Variants in PRKAG2 observed in about 807,000 individuals in gnomAD.
The protein encoded by PRKAG2 is protein kinase AMP-activated non-catalytic subunit gamma 2.
A neutral mutation model predicts 69.6 loss-of-function variants in PRKAG2; 26 were observed. The ratio of observed to expected loss-of-function variants is 0.37; its 90% CI spans 0.27 to 0.52. The LOEUF is 0.52. PRKAG2 is among the 20% of genes least tolerant of loss of function. PRKAG2 has a pLI of 0.90. For missense variants in PRKAG2, 557 were observed against 740.0 expected (o/e 0.75, Z 2.87); for synonymous variants, 293 against 285.0 (o/e 1.03, Z -0.28).
chr7:151,677,824 T>C (rs1833181439), intron 3 of PRKAG2, among the ~76,000 whole-genome samples: 1 of 152,222 alleles, frequency 6.6e-6, no homozygotes, highest in Admixed American at 6.5e-5. Context: ...CCTTTTTCTG[T>C]CCATCAATCT....
chr7:151,682,184 T>C (rs1833976790), intron 3 of PRKAG2, among the ~76,000 whole-genome samples: 2 of 152,228 alleles, frequency 1.3e-5, no homozygotes, highest in South Asian at 4.1e-4. Flanking sequence ...TTTTTTTCTT[T>C]TCAATGTTGG....
At chr7:151,613,756 C>A (rs1241305845) in intron 5 of PRKAG2, among the ~76,000 whole-genome samples, 1 of 149,512 alleles carries the variant, frequency 6.7e-6, no homozygotes, top group African/African-American at 2.5e-5. Flanking sequence ...GCTTGGCCTC[C>A]CAAAGTGCTT....
rs1039519730 is a variant in PRKAG2, at chr7:151,583,983, T to C, written c.865-7531A>G. ...CACTGCTTTCTACACAGCTTCACTCTGATTTTCAGTAATTAAGTTGACTGT... is the reference window on the plus strand; with the variant it reads ...CACTGCTTTCTACACAGCTTCACTCCGATTTTCAGTAATTAAGTTGACTGT... On this transcript the variant is annotated intron_variant, in intron 6 of 15. Transcript: ENST00000287878. This position sits in a 1 kb window ranked among gnomAD's most constrained non-coding sequence, Gnocchi z 4.1. Among the ~76,000 whole-genome samples, 13 of 152,222 alleles carry C rather than the reference T, an allele frequency of 8.5e-5. No homozygotes were observed. The highest frequency in any genetic ancestry group is 3.1e-4 in the African/African-American group (13 of 41,446).
intron 3 of PRKAG2, among the ~76,000 whole-genome samples, chr7:151,758,247 T>A (rs779104427): frequency 6.6e-6 from 1 of 152,178 alleles, no homozygotes; most frequent in Non-Finnish European, 1.5e-5. Flanking sequence ...TCAGACAAGA[T>A]GCCATTTCTT....
At chr7:151,637,627 G>A (rs746042387) in intron 4 of PRKAG2, among the ~76,000 whole-genome samples, 13 of 151,908 alleles carry the variant, frequency 8.6e-5, no homozygotes, top group Non-Finnish European at 1.5e-4. Flanking sequence ...TATTTCTACA[G>A]GTTTTTTACT....
chr7:151,839,995 C>T (rs1244510400), intron 1 of PRKAG2, among the ~76,000 whole-genome samples: 1 of 152,142 alleles, frequency 6.6e-6, no homozygotes, highest in Non-Finnish European at 1.5e-5. Context: ...TCAGATATCC[C>T]CCTAACAAAG....
chr7:151,564,933 C>T (rs1805892213), intron 13 of PRKAG2, among the ~76,000 whole-genome samples: 1 of 152,110 alleles, frequency 6.6e-6, no homozygotes, highest in African/African-American at 2.4e-5. Context: ...TGTCAGTCCC[C>T]TTTTCTTCTT....
At chr7:151,695,889 G>A (rs6950066) in intron 3 of PRKAG2, among the ~76,000 whole-genome samples, 3,426 of 152,278 alleles carry the variant, frequency 0.022, 151 homozygotes, top group African/African-American at 0.077. Context: ...GGTGGAAACC[G>A]TAGGCACTGT....
At chr7:151,865,386 G>C (rs557187701) in intron 1 of PRKAG2, among the ~76,000 whole-genome samples, 2 of 152,386 alleles carry the variant, frequency 1.3e-5, no homozygotes, top group African/African-American at 4.8e-5. Context: ...CCAGCTGACA[G>C]AGAGAACAGT....
At position 151,635,487 on chromosome 7, in the gene PRKAG2, C is replaced by T. The variant is rs1049434575; in HGVS notation, c.685-3349G>A. Among the ~76,000 whole-genome samples the T allele has an allele frequency of 1.6e-4, 24 of 152,164 alleles. No individual in the cohort carries two copies. The East Asian group carries it at 4.1e-3, about 26-fold the overall frequency. On this transcript the variant is annotated intron_variant, in intron 4 of 15. Transcript: ENST00000287878. ...CGGGCTGTGGTAGGTCCATCTATAC[C>T]GTAAAATACTACTCAGCAAGAAAAA...
At chr7:151,859,271 C>T (rs1024155541) in intron 1 of PRKAG2, among the ~76,000 whole-genome samples, 14 of 152,204 alleles carry the variant, frequency 9.2e-5, no homozygotes, top group Admixed American at 6.5e-5. Flanking sequence ...CGGGGCGGGG[C>T]GAGGTGAGGC....
chr7:151,647,445 C>T (rs1385387151), intron 4 of PRKAG2, among the ~76,000 whole-genome samples: 1 of 152,140 alleles, frequency 6.6e-6, no homozygotes, highest in Non-Finnish European at 1.5e-5. Context: ...ATATGTCACA[C>T]TGTAAAAAAT....
At chr7:151,733,642 C>A (rs964186079) in intron 3 of PRKAG2, among the ~76,000 whole-genome samples, 3 of 152,036 alleles carry the variant, frequency 2.0e-5, no homozygotes, top group African/African-American at 7.2e-5. Context: ...AGTCTCCCGT[C>A]TAGGATTCCA....
chr7:151,791,644 G>A (rs1489920723), intron 1 of PRKAG2, among the ~76,000 whole-genome samples: 1 of 152,216 alleles, frequency 6.6e-6, no homozygotes, highest in Admixed American at 6.5e-5. Flanking sequence ...TCAGGATTTG[G>A]ACTGATAAAG....
intron 1 of PRKAG2, among the ~76,000 whole-genome samples, chr7:151,832,139 C>T (rs1271450603): frequency 6.6e-6 from 1 of 151,948 alleles, no homozygotes; most frequent in Non-Finnish European, 1.5e-5. Flanking sequence ...AGGAAGGTCC[C>T]TCCCAGAATG....
At chr7:151,757,079 C>T (rs889718982) in intron 3 of PRKAG2, among the ~76,000 whole-genome samples, 5 of 152,168 alleles carry the variant, frequency 3.3e-5, no homozygotes, top group South Asian at 4.1e-4. Context: ...GATGCTCACT[C>T]GCTGAACCAC....
chr7:151,874,069 T>C (rs147977621), intron 1 of PRKAG2, among the ~76,000 whole-genome samples: 8,263 of 138,468 alleles, frequency 0.06, 389 homozygotes, highest in East Asian at 0.19. Flanking sequence ...TATATGTATA[T>C]GATGTATATG....
chr7:151,808,993 C>T (rs764577298), intron 1 of PRKAG2, among the ~76,000 whole-genome samples: 6 of 152,240 alleles, frequency 3.9e-5, no homozygotes, highest in Non-Finnish European at 8.8e-5. Flanking sequence ...TCCACGGCCA[C>T]CCTTCCTTCC....
intron 3 of PRKAG2, among the ~76,000 whole-genome samples, chr7:151,709,629 TG>T (rs750635637): frequency 1.3e-5 from 2 of 151,866 alleles, no homozygotes; most frequent in Non-Finnish European, 2.9e-5. Context: ...CACTGACACA[TG>T]TGACTGTCAG....
Sources: allele counts gnomAD v4.1 joint callset (sites outside exome capture counted in the v4.1 genomes callset), GRCh38; gene constraint gnomAD v4.1.1; non-coding constraint Gnocchi (gnomAD v3.1); transcripts MANE v1.5; gene names NCBI Gene and HGNC (gene_info 2026-07-23, HGNC 2026-07-21).